Variants in BAHCC1 observed in about 807,000 individuals in gnomAD.
BAHCC1 encodes the protein BAH domain and coiled-coil containing 1, also known as BAH and coiled-coil domain-containing protein 1.
A neutral mutation model predicts 88.2 loss-of-function variants in BAHCC1; 43 were observed. That is an observed-to-expected ratio of 0.49 (90% CI 0.38 to 0.63). The LOEUF (loss-of-function observed/expected upper bound fraction) is 0.63. BAHCC1 is among the 20% of genes least tolerant of loss of function. The pLI is 0.00. For missense variants in BAHCC1, 3,023 were observed against 1,654.8 expected, an observed-to-expected ratio of 1.83 and a Z score of -14.34; for synonymous variants, 1,510 against 745.5, an observed-to-expected ratio of 2.03 and a Z score of -16.71.
rs1555645764 is a variant in BAHCC1 at position 81,399,910 on chromosome 17, G to A, written c.171G>A (p.Ser57=). Residue 57 remains serine (S), a synonymous_variant, in exon 2 of 28, where the codon TCG becomes TCA. Transcript: ENST00000675386. This position sits in a 1 kb window ranked among gnomAD's most constrained non-coding sequence, Gnocchi z 4.5. ...KYFPSPLPMA[S]HTASSRLMGS... ...TCCCGTCGCCGTTGCCCATGGCTTC[G>A]CACACAGGTCAGTGCTCGGCCGGGG... 3 of 1,442,190 alleles carry A rather than the reference G, an allele frequency of 2.1e-6. No individual in the cohort carries two copies. The highest frequency in any genetic ancestry group is 2.7e-5 in the Admixed American group (1 of 37,282). The allele number at this position is 1,442,190 out of a possible 1,614,324, so 89.3% of individuals were successfully genotyped here.
At chr17:81,437,513 C>T (rs537842532) in intron 3 of BAHCC1, among the ~76,000 whole-genome samples, 85 of 152,370 alleles carry the variant, frequency 5.6e-4, no homozygotes, top group African/African-American at 1.9e-3. Context: ...AGGCCATGCT[C>T]AGCCCTGTCC....
rs906943356 is a variant in BAHCC1 at position 81,452,364 on chromosome 17, G to A, written c.4316+257G>A. 2.6e-5 allele frequency among the ~76,000 whole-genome samples: 4 copies of A among 152,236 alleles called. No individual in the cohort carries two copies. The East Asian group carries it at 5.8e-4, about 22-fold the overall frequency. On this transcript the variant is annotated intron_variant, in intron 13 of 27. Transcript: ENST00000675386. Reference sequence around the variant, plus strand: ...CCGCTTGTCAGAGCCTGGTGTGGCAGGAGGCTGGCCGCAGGGTGGCGGGTG... The same window carrying A: ...CCGCTTGTCAGAGCCTGGTGTGGCAAGAGGCTGGCCGCAGGGTGGCGGGTG...
Position 81,445,337 on chromosome 17 carries a change from G to A in BAHCC1, c.2836-17G>A. 1 of 766,970 alleles carries A rather than the reference G, an allele frequency of 1.3e-6. No homozygotes were observed. Among genetic ancestry groups the A allele is most frequent in the Non-Finnish European group, 2.4e-6 (1 of 412,708 alleles). 47.5% of individuals were successfully genotyped at this position (766,970 alleles called of 1,614,324 possible). A position where few individuals can be genotyped will look rare whatever the true frequency, so the allele number is the denominator to read the frequency against. ...GGGGATCCTGAGCCTGACCGAGCTT[G>A]CCCCCATCCCTGACAGCGGAAGCCC... On this transcript the variant is annotated splice_polypyrimidine_tract_variant and intron_variant, in intron 9 of 27. Transcript: ENST00000675386.
intron 1 of BAHCC1, among the ~76,000 whole-genome samples, chr17:81,397,728 G>A (rs887869775): frequency 7.2e-5 from 11 of 152,196 alleles, no homozygotes; most frequent in Non-Finnish European, 1.3e-4. Context: ...TTTGCAGGCC[G>A]GGATCGGGGC....
intron 11 of BAHCC1, among the ~76,000 whole-genome samples, chr17:81,449,276 C>A (rs964516647): frequency 1.3e-5 from 2 of 152,174 alleles, no homozygotes; most frequent in Non-Finnish European, 1.5e-5. Flanking sequence ...ATGGTCCCCC[C>A]CTGGGCCCCC....
Position 81,461,932 on chromosome 17 carries a change from C to T in BAHCC1, c.7269C>T (p.Ser2423=), listed in dbSNP as rs1555659621. ...AGCGCAAAGAGGCCCTGAGCTTCTC[C>T]AAAGCCAAAGAGCTCTCCCGGAGGC... ...KLKRKEALSF[S]KAKELSRRQR... Residue 2423 remains serine, a synonymous_variant, in exon 26 of 28, where the codon TCC becomes TCT. Transcript: ENST00000675386. 1.3e-6 allele frequency: 1 copy of T among 760,262 alleles called. No individual in the cohort carries two copies. Among genetic ancestry groups the T allele is most frequent in the South Asian group, 1.4e-5 (1 of 71,474 alleles). 47.1% of individuals were successfully genotyped at this position (760,262 alleles called of 1,614,324 possible). A position where few individuals can be genotyped will look rare whatever the true frequency, so the allele number is the denominator to read the frequency against.
chr17:81,418,587 C>T (rs1009610653), intron 2 of BAHCC1, among the ~76,000 whole-genome samples: 4 of 152,246 alleles, frequency 2.6e-5, no homozygotes, highest in Admixed American at 1.3e-4. Flanking sequence ...TTCAATGCCA[C>T]CTTTTGCACA....
chr17:81,452,192 G>A lies in BAHCC1; in HGVS notation c.4316+85G>A, dbSNP rs1258964460. The stretch of plus-strand genomic sequence containing the variant: ...GCCCACAGTGCTGGGGCCGATGTGG[G>A]AACAGGCCAGGATTGGGCTCTGCCC... On this transcript the variant is annotated intron_variant, in intron 13 of 27. Transcript: ENST00000675386. 7.3e-6 allele frequency: 4 copies of A among 544,364 alleles called. No homozygotes were observed. The East Asian group carries it at 1.3e-4, about 18-fold the overall frequency. 33.7% of individuals were successfully genotyped at this position (544,364 alleles called of 1,614,324 possible).
intron 2 of BAHCC1, chr17:81,402,437 AG>A (rs2063829399): frequency 6.6e-6 from 1 of 152,196 alleles, no homozygotes; most frequent in Non-Finnish European, 1.5e-5. Context: ...TAGTTTAGAG[AG>A]AAAAAAGCAT....
intron 10 of BAHCC1, among the ~76,000 whole-genome samples, chr17:81,446,237 G>A (rs577163321): frequency 6.6e-6 from 1 of 152,354 alleles, no homozygotes; most frequent in African/African-American, 2.4e-5. Flanking sequence ...ACAGTCAGGA[G>A]ATGGAGCTAG....
intron 2 of BAHCC1, among the ~76,000 whole-genome samples, chr17:81,425,280 G>GA: frequency 1.0e-5 from 1 of 95,822 alleles, no homozygotes; most frequent in African/African-American, 4.1e-5. Flanking sequence ...TGATAGTGGT[G>GA]GGTGTGTAGT....
chr17:81,441,339 C>T (rs2064411033), intron 4 of BAHCC1, among the ~76,000 whole-genome samples: 1 of 152,178 alleles, frequency 6.6e-6, no homozygotes. Context: ...TTTTATGTTA[C>T]CCATATTTCA....
chr17:81,463,898 G>A lies in BAHCC1; in HGVS notation c.*81G>A. 1.5e-6 allele frequency: 1 copy of A among 685,106 alleles called. No individual in the cohort carries two copies. The highest frequency in any genetic ancestry group is 2.7e-6 in the Non-Finnish European group (1 of 374,124). 42.4% of individuals were successfully genotyped at this position (685,106 alleles called of 1,614,324 possible). A position where few individuals can be genotyped will look rare whatever the true frequency, so the allele number is the denominator to read the frequency against. ...GCGTCGGCCAAGCCACCGGGCAGGAGGCAGCCCCGGCCTCCCAAGGGCGCA... is the reference window on the plus strand; with the variant it reads ...GCGTCGGCCAAGCCACCGGGCAGGAAGCAGCCCCGGCCTCCCAAGGGCGCA... On this transcript the variant is annotated 3_prime_UTR_variant, in exon 28 of 28. Transcript: ENST00000675386.
chr17:81,433,513 C>G (rs2064294431), intron 3 of BAHCC1, among the ~76,000 whole-genome samples: 1 of 150,046 alleles, frequency 6.7e-6, no homozygotes, highest in Admixed American at 6.6e-5. Context: ...ACCGAGGTCC[C>G]TGTGTGCCCA....
chr17:81,418,776 C>CGTGTGTGCGT (rs1568003191), intron 2 of BAHCC1, among the ~76,000 whole-genome samples: 5 of 67,318 alleles, frequency 7.4e-5, no homozygotes, highest in African/African-American at 1.1e-4. Flanking sequence ...CGTGTGTGTA[C>CGTGTGTGCGT]GTGTGTGTGT....
chr17:81,405,701 C>T (rs1555646747), intron 2 of BAHCC1, among the ~76,000 whole-genome samples: 4 of 152,302 alleles, frequency 2.6e-5, no homozygotes, highest in South Asian at 4.1e-4. Flanking sequence ...CCATCGTGCC[C>T]CCCTGCCCTT....
intron 2 of BAHCC1, among the ~76,000 whole-genome samples, chr17:81,418,810 C>CATGTGTGTGTACGT: frequency 6.8e-6 from 1 of 146,332 alleles, no homozygotes; most frequent in East Asian, 2.0e-4. Flanking sequence ...TGTGTGTGTA[C>CATGTGTGTGTACGT]GTGTGTGTGT....
chr17:81,413,029 C>A, intron 2 of BAHCC1: 1 of 338,218 alleles, frequency 3.0e-6, no homozygotes, highest in Non-Finnish European at 6.2e-6. Context: ...CCTCCACATC[C>A]TCTTTCTAGA....
intron 3 of BAHCC1, among the ~76,000 whole-genome samples, chr17:81,428,862 C>T (rs1002506113): frequency 4.6e-5 from 7 of 152,370 alleles, no homozygotes; most frequent in Non-Finnish European, 5.9e-5. Flanking sequence ...TGCTCCCGAG[C>T]CCTTGGGAGT....
Sources: gnomAD v4.1 joint callset for allele counts (sites outside exome capture counted in the v4.1 genomes callset) on GRCh38, gnomAD v4.1.1 for gene constraint, Gnocchi (gnomAD v3.1) non-coding constraint, MANE v1.5 for transcripts, NCBI Gene and HGNC (gene_info 2026-07-23, HGNC 2026-07-21) for gene names.